The following SSH2 variants were observed in gnomAD, a reference collection of about 807,000 sequenced individuals.
SSH2 encodes the protein protein phosphatase Slingshot homolog 2.
SSH2 carries 37 observed loss-of-function variants against 135.2 expected under a neutral mutation model. The observed-to-expected ratio is 0.27, with a 90% CI of 0.21 to 0.36. The LOEUF is 0.36. Ranked by LOEUF, SSH2 falls within the 10% of genes least tolerant of loss-of-function variation. The pLI, the probability that SSH2 is intolerant of heterozygous loss-of-function variation, is 1.00. For synonymous variants in SSH2, 628 were observed against 646.2 expected (o/e 0.97, Z 0.43); for missense variants, 1,408 against 1,765.3 (o/e 0.80, Z 3.63).
At chr17:29,913,348 A>AAAAAAAT (rs1491105093) in intron 1 of SSH2, among the ~76,000 whole-genome samples, 1 of 13,694 alleles carries the variant, frequency 7.3e-5, no homozygotes, top group African/African-American at 2.2e-4. Flanking sequence ...AAAAAAAAAA[A>AAAAAAAT]TATATATATA....
chr17:29,900,118 T>C (rs575805554), intron 1 of SSH2, among the ~76,000 whole-genome samples: 40 of 152,290 alleles, frequency 2.6e-4, no homozygotes, highest in African/African-American at 8.4e-4. Flanking sequence ...TTACACCTTA[T>C]ACAAAAATTA....
intron 3 of SSH2, among the ~76,000 whole-genome samples, chr17:29,789,494 T>A (rs2042027440): frequency 6.6e-6 from 1 of 152,196 alleles, no homozygotes; most frequent in Non-Finnish European, 1.5e-5. Flanking sequence ...CTACGCATTA[T>A]CCTTCAAGAA....
At chr17:29,711,203 T>C (rs1306904767) in intron 3 of SSH2, among the ~76,000 whole-genome samples, 2 of 152,204 alleles carry the variant, frequency 1.3e-5, no homozygotes, top group Non-Finnish European at 2.9e-5. Context: ...TTAAACTCTG[T>C]TGCACAATGC....
intron 3 of SSH2, among the ~76,000 whole-genome samples, chr17:29,771,875 T>G (rs2041593510): frequency 6.6e-6 from 1 of 152,186 alleles, no homozygotes; most frequent in Non-Finnish European, 1.5e-5. Flanking sequence ...TTCTATGTCT[T>G]TCTTCTCTGA....
intron 11 of SSH2, 51 bp from the exon 12 acceptor site, chr17:29,655,658 A>G: frequency 1.3e-6 from 2 of 1,524,518 alleles, no homozygotes; most frequent in African/African-American, 1.4e-5. Context: ...TCAACCAAAC[A>G]ATACTTGAAA....
At chr17:29,736,860 G>A (rs1334338823) in intron 3 of SSH2, among the ~76,000 whole-genome samples, 2 of 144,260 alleles carry the variant, frequency 1.4e-5, no homozygotes, top group African/African-American at 2.6e-5. Flanking sequence ...AGCACTTTGG[G>A]AGGTCGAGGC....
chr17:29,927,731 T>A (rs918019609), intron 1 of SSH2, among the ~76,000 whole-genome samples: 1 of 152,134 alleles, frequency 6.6e-6, no homozygotes, highest in African/African-American at 2.4e-5. Flanking sequence ...GGAAGACAAT[T>A]TAAAGAGAAA....
chr17:29,686,409 T>C (rs2038222890), intron 5 of SSH2, among the ~76,000 whole-genome samples: 1 of 151,998 alleles, frequency 6.6e-6, no homozygotes, highest in Non-Finnish European at 1.5e-5. Context: ...CCTCTCAGGC[T>C]GGAGTGCAGT....
intron 1 of SSH2, among the ~76,000 whole-genome samples, chr17:29,902,065 G>A (rs933707454): frequency 6.6e-6 from 1 of 152,074 alleles, no homozygotes; most frequent in Non-Finnish European, 1.5e-5. Flanking sequence ...GGGATTACAG[G>A]CATAAACCAC....
At chr17:29,902,636 C>T (rs1428912433) in intron 1 of SSH2, among the ~76,000 whole-genome samples, 1 of 151,984 alleles carries the variant, frequency 6.6e-6, no homozygotes, top group East Asian at 1.9e-4. Context: ...GTTTTAACTA[C>T]TCAGTCTCTG....
At chr17:29,641,109 C>T (rs1379350314) in intron 14 of SSH2, among the ~76,000 whole-genome samples, 1 of 152,100 alleles carries the variant, frequency 6.6e-6, no homozygotes, top group Non-Finnish European at 1.5e-5. Context: ...AGGGTATCAC[C>T]ATGTTGGACC....
intron 14 of SSH2, among the ~76,000 whole-genome samples, chr17:29,643,601 C>T (rs2150987027): frequency 6.6e-6 from 1 of 152,014 alleles, no homozygotes. Flanking sequence ...TCAATGATTC[C>T]CCTGCCTCAG....
At chr17:29,901,552 G>T (rs938227544) in intron 1 of SSH2, among the ~76,000 whole-genome samples, 1 of 152,136 alleles carries the variant, frequency 6.6e-6, no homozygotes, top group African/African-American at 2.4e-5. Flanking sequence ...GGTTTGTTGA[G>T]TCTAACCATC....
chr17:29,898,229 A>G (rs2066480069), intron 1 of SSH2, among the ~76,000 whole-genome samples: 1 of 152,192 alleles, frequency 6.6e-6, no homozygotes, highest in Non-Finnish European at 1.5e-5. Context: ...CTAGAGAAGC[A>G]AGAGCAATCA....
chr17:29,763,134 G>A (rs775980407), intron 3 of SSH2, among the ~76,000 whole-genome samples: 2 of 152,080 alleles, frequency 1.3e-5, no homozygotes, highest in Non-Finnish European at 2.9e-5. Flanking sequence ...AGAATTACTC[G>A]TTAGTTGATT....
chr17:29,688,679 T>C (rs1480994600), intron 5 of SSH2, among the ~76,000 whole-genome samples: 3 of 152,186 alleles, frequency 2.0e-5, no homozygotes, highest in African/African-American at 7.2e-5. Context: ...TTGTCCAGAC[T>C]GGTCAATTTT....
chr17:29,680,551 C>CAA (rs1160865828), intron 6 of SSH2, among the ~76,000 whole-genome samples: 2,633 of 21,460 alleles, frequency 0.12, 952 homozygotes, highest in Non-Finnish European at 0.15. Context: ...GACTCCCTCT[C>CAA]AAAAAAAAAA....
intron 1 of SSH2, among the ~76,000 whole-genome samples, chr17:29,868,800 T>C (rs866988238): frequency 1.3e-5 from 2 of 151,874 alleles, no homozygotes; most frequent in Non-Finnish European, 2.9e-5. Context: ...TGTCGAATAT[T>C]GGTCATGGGC....
At chr17:29,649,445 C>T (rs775320399) in intron 13 of SSH2, among the ~76,000 whole-genome samples, 1 of 151,684 alleles carries the variant, frequency 6.6e-6, no homozygotes, top group Non-Finnish European at 1.5e-5. Context: ...TGCAGTGGTG[C>T]GACCACAGCT....
Sources: gnomAD v4.1 joint callset for allele counts (sites outside exome capture counted in the v4.1 genomes callset) on GRCh38, gnomAD v4.1.1 for gene constraint, MANE v1.5 for transcripts, NCBI Gene and HGNC (gene_info 2026-07-23, HGNC 2026-07-21) for gene names.